Variants in GNAQ observed in about 807,000 individuals in gnomAD.
GNAQ encodes the protein G protein subunit alpha q.
A neutral mutation model predicts 43.9 loss-of-function variants in GNAQ; 8 were observed. The observed-to-expected ratio is 0.18, with a 90% CI of 0.11 to 0.33. GNAQ has a LOEUF of 0.33. GNAQ is among the 10% of genes least tolerant of loss of function. The pLI is 1.00. For synonymous variants in GNAQ, 155 were observed against 170.7 expected (o/e 0.91, Z 0.71); for missense variants, 158 against 450.8 (o/e 0.35, Z 5.88).
intron 2 of GNAQ, among the ~76,000 whole-genome samples, chr9:77,828,378 T>C (rs1436438692): frequency 6.6e-6 from 1 of 152,150 alleles, no homozygotes; most frequent in South Asian, 2.1e-4. Context: ...GGTGCTAACC[T>C]ATAGATCTGG....
chr9:77,872,933 A>G (rs2209911), intron 2 of GNAQ, among the ~76,000 whole-genome samples: 118,439 of 152,162 alleles, frequency 0.78, 46,261 homozygotes, highest in Admixed American at 0.84. Flanking sequence ...GTGGAGTCTG[A>G]CAGAAGGAAG....
At chr9:77,922,903 C>T (rs1829018372) in intron 1 of GNAQ, among the ~76,000 whole-genome samples, 1 of 152,124 alleles carries the variant, frequency 6.6e-6, no homozygotes, top group African/African-American at 2.4e-5. Flanking sequence ...GATCATAGCT[C>T]ACTACAGCCC....
At chr9:77,916,623 C>A (rs1389911103) in intron 2 of GNAQ, among the ~76,000 whole-genome samples, 4 of 152,154 alleles carry the variant, frequency 2.6e-5, no homozygotes, top group Admixed American at 2.6e-4. Context: ...CCTCTCATAA[C>A]CCCTCCATGC....
intron 1 of GNAQ, among the ~76,000 whole-genome samples, chr9:78,030,195 TGA>T (rs1739476819): frequency 6.6e-6 from 1 of 152,214 alleles, no homozygotes; most frequent in African/African-American, 2.4e-5. Flanking sequence ...AGAGAGTAAC[TGA>T]GAGACTGCAC....
chr9:77,722,486 TCTC>T, intron 6 of GNAQ, among the ~76,000 whole-genome samples: 3 of 152,022 alleles, frequency 2.0e-5, no homozygotes. Context: ...TACCAAGAAT[TCTC>T]CTAGATGCTT....
intron 5 of GNAQ, among the ~76,000 whole-genome samples, chr9:77,776,177 T>C (rs953892064): frequency 2.6e-5 from 4 of 152,160 alleles, no homozygotes; most frequent in African/African-American, 9.7e-5. Context: ...ATCTCCCTTT[T>C]CCAGCTCTGC....
chr9:77,753,276 C>T (rs111552043), intron 5 of GNAQ, among the ~76,000 whole-genome samples: 13 of 152,130 alleles, frequency 8.5e-5, no homozygotes, highest in East Asian at 3.9e-4. Flanking sequence ...CATACACATG[C>T]GCGTGCGCAC....
At chr9:77,989,562 C>A (rs1328660874) in intron 1 of GNAQ, among the ~76,000 whole-genome samples, 1 of 152,206 alleles carries the variant, frequency 6.6e-6, no homozygotes, top group African/African-American at 2.4e-5. Context: ...AAGAGAGAGA[C>A]CTTTTTGTCT....
chr9:77,988,644 G>A (rs1823471980), intron 1 of GNAQ, among the ~76,000 whole-genome samples: 1 of 152,160 alleles, frequency 6.6e-6, no homozygotes, highest in Admixed American at 6.5e-5. Flanking sequence ...TACCTGTGAA[G>A]CACAGGGCCT....
At chr9:77,952,338 T>G (rs905706161) in intron 1 of GNAQ, among the ~76,000 whole-genome samples, 3 of 151,282 alleles carry the variant, frequency 2.0e-5, no homozygotes, top group African/African-American at 7.3e-5. Flanking sequence ...TCAAAATTTT[T>G]CCTTGCGTAT....
chr9:77,910,371 A>G (rs976850849), intron 2 of GNAQ, among the ~76,000 whole-genome samples: 1 of 152,226 alleles, frequency 6.6e-6, no homozygotes, highest in African/African-American at 2.4e-5. Context: ...AAGGGAAAAC[A>G]ATACATTACT....
intron 2 of GNAQ, among the ~76,000 whole-genome samples, chr9:77,889,780 A>G (rs1764915591): frequency 6.6e-6 from 1 of 152,154 alleles, no homozygotes; most frequent in African/African-American, 2.4e-5. Context: ...GCTTATTTCT[A>G]ACCAAATGCA....
At chr9:77,846,691 A>C (rs1331730334) in intron 2 of GNAQ, among the ~76,000 whole-genome samples, 1 of 152,128 alleles carries the variant, frequency 6.6e-6, no homozygotes, top group Non-Finnish European at 1.5e-5. Context: ...TTTTAACCTA[A>C]ATATAGTGAA....
At chr9:77,873,308 A>C (rs903688996) in intron 2 of GNAQ, among the ~76,000 whole-genome samples, 1 of 152,220 alleles carries the variant, frequency 6.6e-6, no homozygotes, top group African/African-American at 2.4e-5. Context: ...TATTACATTT[A>C]TTATCATTTT....
intron 1 of GNAQ, among the ~76,000 whole-genome samples, chr9:77,997,949 G>A (rs187166016): frequency 4.2e-4 from 64 of 152,290 alleles, no homozygotes; most frequent in Non-Finnish European, 7.4e-4. Context: ...AGGAGCTGGC[G>A]GAAAGAACTG....
chr9:77,906,433 A>T (rs1828709832), intron 2 of GNAQ, among the ~76,000 whole-genome samples: 1 of 152,226 alleles, frequency 6.6e-6, no homozygotes, highest in African/African-American at 2.4e-5. Flanking sequence ...CAATTGAATA[A>T]TCTTTATCAA....
At chr9:77,872,482 T>C (rs1564136822) in intron 2 of GNAQ, among the ~76,000 whole-genome samples, 1 of 152,204 alleles carries the variant, frequency 6.6e-6, no homozygotes, top group Non-Finnish European at 1.5e-5. Flanking sequence ...TTATAATTAA[T>C]ATACATATAA....
intron 1 of GNAQ, among the ~76,000 whole-genome samples, chr9:77,966,219 T>A (rs1823165780): frequency 6.6e-6 from 1 of 152,162 alleles, no homozygotes; most frequent in Non-Finnish European, 1.5e-5. Flanking sequence ...TCAGGTTTGA[T>A]GAATATATTT....
chr9:77,874,603 A>G (rs756553979), intron 2 of GNAQ, among the ~76,000 whole-genome samples: 7 of 152,050 alleles, frequency 4.6e-5, no homozygotes, highest in Non-Finnish European at 8.8e-5. Flanking sequence ...ATTCAGGACA[A>G]CTAGGCTAAG....
Sources: gnomAD v4.1 joint callset for allele counts (sites outside exome capture counted in the v4.1 genomes callset) on GRCh38, gnomAD v4.1.1 for gene constraint, MANE v1.5 for transcripts, NCBI Gene and HGNC (gene_info 2026-07-23, HGNC 2026-07-21) for gene names.